Variants in WDR59 observed in about 807,000 individuals in gnomAD.
WDR59 encodes WD repeat domain 59.
WDR59 carries 100 observed loss-of-function variants against 131.2 expected under a neutral mutation model. The ratio of observed to expected loss-of-function variants is 0.76; its 90% confidence interval spans 0.65 to 0.90. The LOEUF is 0.90. Ranked by LOEUF, WDR59 falls within the 40% of genes least tolerant of loss-of-function variation. The pLI, the probability that WDR59 is intolerant of heterozygous loss-of-function variation, is 0.00. For missense variants in WDR59, 1,203 were observed against 1,262.2 expected (o/e 0.95, Z 0.71); for synonymous variants, 601 against 466.2 (o/e 1.29, Z -3.72).
chr16:74,933,583 T>A (rs2031570833), intron 8 of WDR59, among the ~76,000 whole-genome samples: 1 of 152,154 alleles, frequency 6.6e-6, no homozygotes, highest in Non-Finnish European at 1.5e-5. Context: ...TCATTTCTTA[T>A]CTTTATTTAT....
Position 74,956,636 on chromosome 16 carries a change from T to C in WDR59, c.105-26A>G, listed in dbSNP as rs761436468. On this transcript the variant is annotated intron_variant, in intron 2 of 25. Coordinates refer to ENST00000262144, the MANE Select transcript of WDR59 (RefSeq NM_030581.4). ...CTAGAGACCAACATCAACATTATAA[T>C]AGTATAAAAACACAACATCATTAGC... The C allele has an allele frequency of 5.0e-6, 8 of 1,609,142 alleles. No homozygotes were observed. In the East Asian group the frequency reaches 8.9e-5, roughly 18 times the overall value.
rs1320998201 is a variant in WDR59, at chr16:74,917,975, C to T, written c.920G>A (p.Arg307Gln). ...CCGCCACATTCTCAAGGTCTGATCC[C>T]GGGACCACGTCACCAGTTGATAGTC... ...SKDYQLVTWSRDQTLRMWRVD... is the reference protein window; with the variant it reads ...SKDYQLVTWSQDQTLRMWRVD... Residue 307 changes from arginine to glutamine, a missense_variant, in exon 11 of 26, where the codon CGG (arginine) becomes CAG (glutamine). Arg to Gln is a conservative substitution (Grantham distance 43). Coordinates refer to ENST00000262144, the MANE Select transcript of WDR59 (RefSeq NM_030581.4). 4.3e-6 allele frequency: 7 copies of T among 1,613,890 alleles called. No homozygotes were observed. The highest frequency in any genetic ancestry group is 5.1e-6 in the Non-Finnish European group (6 of 1,179,982).
chr16:74,942,644 G>T (rs1226495930), intron 7 of WDR59, 94 bp downstream of exon 7: 3 of 1,243,466 alleles, frequency 2.4e-6, no homozygotes, highest in African/African-American at 1.5e-5. Flanking sequence ...GGGTTCCCCA[G>T]ACTCTCAAGC....
chr16:74,942,706 G>C, intron 7 of WDR59, 32 bp downstream of exon 7: 1 of 1,607,466 alleles, frequency 6.2e-7, no homozygotes, highest in Non-Finnish European at 8.5e-7. Context: ...AGGGATCAAA[G>C]ACCAATAAGG....
chr16:74,899,789 A>G, intron 18 of WDR59: 2 of 1,274,672 alleles, frequency 1.6e-6, no homozygotes, highest in Non-Finnish European at 2.0e-6. Context: ...GGAGGAGGGA[A>G]GAAAAACACC....
chr16:74,905,258 C>T lies in WDR59; in HGVS notation c.1713-1158G>A, dbSNP rs575209437. On this transcript the variant is annotated intron_variant, in intron 17 of 25. Coordinates refer to ENST00000262144, the MANE Select transcript of WDR59 (RefSeq NM_030581.4). ...GGCGTGGTGGCGCATGCCTATAATC[C>T]CAGCTACTCGGGAGGTTGAGGCAGG... Among the ~76,000 whole-genome samples the T allele has an allele frequency of 2.0e-5, 3 of 152,100 alleles. No homozygotes were observed. The East Asian group carries it at 5.8e-4, about 29-fold the overall frequency.
rs953971586 is a variant in WDR59 at position 74,946,482 on chromosome 16, G to T, written c.445+2037C>A. Among the ~76,000 whole-genome samples the T allele has an allele frequency of 2.6e-5, 4 of 152,138 alleles. No homozygotes were observed. In the East Asian group the frequency reaches 7.7e-4, roughly 29 times the overall value. ...CCCGCCTATAATCCCAACACTTTAG[G>T]AGGCCGAGGCAGGCAGATCACTTGA... On this transcript the variant is annotated intron_variant, in intron 6 of 25. Coordinates refer to ENST00000262144, the MANE Select transcript of WDR59 (RefSeq NM_030581.4).
chr16:74,959,440 T>G (rs929118075), intron 2 of WDR59: 8 of 404,936 alleles, frequency 2.0e-5, no homozygotes, highest in Non-Finnish European at 3.4e-5. Flanking sequence ...GGAGGAAACC[T>G]GAAGGATAGG....
intron 1 of WDR59, among the ~76,000 whole-genome samples, chr16:74,977,820 G>A (rs1318006514): frequency 6.6e-6 from 1 of 152,212 alleles, no homozygotes; most frequent in Non-Finnish European, 1.5e-5. Flanking sequence ...TACACAAATT[G>A]CAGTCTATAT....
Position 74,908,946 on chromosome 16 carries a change from T to C in WDR59, c.1674A>G (p.Thr558=), listed in dbSNP as rs147993698. The C allele has an allele frequency of 9.2e-4, 1,481 of 1,612,904 alleles. 7 individuals are homozygous for C. In the African/African-American group the frequency reaches 0.015, roughly 17 times the overall value. The change falls in exon 17 of 26, where the codon ACA becomes ACG. Residue 558 remains threonine (T), a synonymous_variant. Coordinates refer to ENST00000262144, the MANE Select transcript of WDR59 (RefSeq NM_030581.4). ...CTGTGGGAGACACCGCCCGATGCATTGTCATGGGCCTTGTGAAATATACCA... is the reference window on the plus strand; with the variant it reads ...CTGTGGGAGACACCGCCCGATGCATCGTCATGGGCCTTGTGAAATATACCA... The part of the protein sequence containing the change: ...GYLVYFTRPM[T]MHRAVSPTEP...
intron 25 of WDR59, among the ~76,000 whole-genome samples, chr16:74,885,315 G>C (rs1441509932): frequency 1.3e-5 from 2 of 151,904 alleles, no homozygotes; most frequent in Non-Finnish European, 2.9e-5. Context: ...GCCAGGCATG[G>C]TGGCAGGCGC....
At chr16:74,945,053 G>A (rs1452579261) in intron 6 of WDR59, among the ~76,000 whole-genome samples, 1 of 151,920 alleles carries the variant, frequency 6.6e-6, no homozygotes, top group Non-Finnish European at 1.5e-5. Flanking sequence ...GAACCCAGGA[G>A]GCGGAGGTTG....
intron 13 of WDR59, among the ~76,000 whole-genome samples, chr16:74,913,003 T>C (rs1171146258): frequency 6.7e-6 from 1 of 148,568 alleles, no homozygotes; most frequent in African/African-American, 2.5e-5. Flanking sequence ...ATCACCACCA[T>C]CATGAACATG....
chr16:74,957,876 G>C (rs1165509303), intron 2 of WDR59, among the ~76,000 whole-genome samples: 1 of 152,150 alleles, frequency 6.6e-6, no homozygotes, highest in Non-Finnish European at 1.5e-5. Flanking sequence ...AGAACTCTGA[G>C]GAGAGAAGAT....
At chr16:74,944,222 T>C (rs939597320) in intron 6 of WDR59, among the ~76,000 whole-genome samples, 5 of 151,912 alleles carry the variant, frequency 3.3e-5, no homozygotes, top group African/African-American at 1.2e-4. Context: ...TCCCAGCACT[T>C]TGGAAGGCTG....
intron 4 of WDR59, 74 bp downstream of exon 4, chr16:74,951,384 G>A: frequency 3.6e-6 from 5 of 1,395,496 alleles, no homozygotes; most frequent in South Asian, 1.2e-5. Flanking sequence ...CAAGGAGGAC[G>A]GCATCATCAT....
intron 1 of WDR59, among the ~76,000 whole-genome samples, chr16:74,971,426 CTTTTTTTT>C (rs58120924): frequency 6.7e-5 from 6 of 90,186 alleles, no homozygotes; most frequent in African/African-American, 2.9e-4. Flanking sequence ...TCTTTCCTTC[CTTTTTTTT>C]TTTTTTTTTT....
chr16:74,951,584 G>GAT (rs764466951), intron 3 of WDR59, 41 bp from the exon 4 acceptor site: 1 of 1,530,028 alleles, frequency 6.5e-7, no homozygotes, highest in South Asian at 1.2e-5. Context: ...AGTATGTTGG[G>GAT]ATATATGGTC....
chr16:74,965,649 A>G (rs543201641), intron 2 of WDR59, 124 bp downstream of exon 2: 47 of 1,149,238 alleles, frequency 4.1e-5, no homozygotes, highest in Non-Finnish European at 5.5e-5. Flanking sequence ...GGCAAACAGG[A>G]TATCAGAACT....
Sources: allele counts gnomAD v4.1 joint callset (sites outside exome capture counted in the v4.1 genomes callset), GRCh38; gene constraint gnomAD v4.1.1; transcripts MANE v1.5; gene names NCBI Gene and HGNC (gene_info 2026-07-23, HGNC 2026-07-21).